DGKA: variants seen among roughly 807,000 people sequenced by gnomAD.
DGKA encodes diacylglycerol kinase alpha.
Under a neutral mutation model 105.0 loss-of-function variants are expected in DGKA, and 35 were observed. The ratio of observed to expected loss-of-function variants is 0.33; its 90% CI spans 0.25 to 0.44. DGKA has a LOEUF of 0.44. Ranked by LOEUF, DGKA falls within the 20% of genes least tolerant of loss-of-function variation. The pLI is 1.00. For missense variants in DGKA, 665 were observed against 915.0 expected, an observed-to-expected ratio of 0.73 and a Z score of 3.53; for synonymous variants, 296 against 332.0, an observed-to-expected ratio of 0.89 and a Z score of 1.18.
intron 7 of DGKA, 25 bp from the exon 8 acceptor site, chr12:55,939,161 A>C: frequency 6.2e-7 from 1 of 1,612,182 alleles, no homozygotes; most frequent in Non-Finnish European, 8.5e-7. Context: ...CTCATACTGA[A>C]AGTCCCTTTC....
intron 1 of DGKA, chr12:55,931,781 G>T (rs1883643983): frequency 6.6e-6 from 1 of 152,448 alleles, no homozygotes; most frequent in South Asian, 2.1e-4. Flanking sequence ...TTAGAAAGAA[G>T]GGAAAATAGA....
rs766023649 is a variant in DGKA, at chr12:55,940,904, G to A, written c.1025G>A (p.Gly342Glu). The A allele has an allele frequency of 8.1e-6, 13 of 1,614,078 alleles. No homozygotes were observed. The highest frequency in any genetic ancestry group is 1.1e-5 in the Non-Finnish European group (13 of 1,180,020). Residue 342 changes from glycine (G) to glutamate (E), a missense_variant, in exon 13 of 24, where the codon GGA becomes GAA. By Grantham distance (98) the Gly-to-Glu change is moderately conservative. This residue lies in a region of DGKA where 504 missense variants were observed against 681.2 expected (regional missense o/e 0.74). Transcript: ENST00000331886. This position sits in a 1 kb window ranked among gnomAD's most constrained non-coding sequence, Gnocchi z 4.3. ...SSIYPSVLAS[G>E]PDRKNSKTSQ... ...ACTTTCTTCCCCTCCCAGGCCTCTG[G>A]ACCGGATCGTAAAAATAGCAAAACA...
chr12:55,937,332 T>G (rs925461398), intron 3 of DGKA, 76 bp from the exon 4 acceptor site: 219 of 1,529,340 alleles, frequency 1.4e-4, no homozygotes, highest in Non-Finnish European at 1.9e-4. Context: ...ATTATCCCTG[T>G]CCCCGCTACT....
chr12:55,933,684 CCAGAGG>C (rs1884095098), intron 1 of DGKA: 1 of 152,146 alleles, frequency 6.6e-6, no homozygotes, highest in Admixed American at 6.5e-5. Context: ...CGTCATCCTC[CCAGAGG>C]CAAAGTTCAG....
rs1888469169 is a variant in DGKA at position 55,953,050 on chromosome 12, C to T, written c.1953C>T (p.Asp651=). The T allele has an allele frequency of 1.9e-6, 3 of 1,614,034 alleles. No homozygotes were observed. The highest frequency in any genetic ancestry group is 2.5e-6 in the Non-Finnish European group (3 of 1,180,032). The change falls in exon 22 of 24, where the codon GAC becomes GAT. Residue 651 remains aspartate (D), a synonymous_variant. Transcript: ENST00000331886. The part of the protein sequence containing the change: ...ILKTCVPDLS[D]KRLEVVGLEG... Reference sequence around the variant, plus strand: ...CTACTTCGTCCCCAGACCTAAGTGACAAGAGACTGGAAGTGGTTGGGCTGG... The same window carrying T: ...CTACTTCGTCCCCAGACCTAAGTGATAAGAGACTGGAAGTGGTTGGGCTGG...
rs112192346 is a variant in DGKA at position 55,951,962 on chromosome 12, G to T, written c.1588-73G>T. ...GACATGCTGTGGGGAGCAGCATGGG[G>T]ACTTGGGAAAGAGGGGAGACCGGGA... On this transcript the variant is annotated intron_variant, in intron 18 of 23. Transcript: ENST00000331886. 2.7e-3 allele frequency: 4,306 copies of T among 1,576,992 alleles called. 102 individuals are homozygous for T. In the African/African-American group the frequency reaches 0.052, roughly 19 times the overall value.
Position 55,932,760 on chromosome 12 carries a change from A to T in DGKA, c.-82+1416A>T. 2 of 594,572 alleles carry T rather than the reference A, an allele frequency of 3.4e-6. No individual in the cohort carries two copies. Among genetic ancestry groups the T allele is most frequent in the Admixed American group, 2.7e-5 (1 of 36,932 alleles). 36.8% of individuals were successfully genotyped at this position (594,572 alleles called of 1,614,324 possible). A position where few individuals can be genotyped will look rare whatever the true frequency, so the allele number is the denominator to read the frequency against. ...ACACACAACCCCCTCAGCCAGGTGTAGCACTGCAGTCTTCAGTGTTTGTGG... is the reference window on the plus strand; with the variant it reads ...ACACACAACCCCCTCAGCCAGGTGTTGCACTGCAGTCTTCAGTGTTTGTGG... On this transcript the variant is annotated intron_variant, in intron 1 of 23. Coordinates refer to ENST00000331886, the MANE Select transcript of DGKA (RefSeq NM_001345.5). The surrounding 1 kb of genome is among the most constrained non-coding windows in gnomAD (Gnocchi z 4.3).
rs1883709707 is a variant in DGKA at position 55,932,174 on chromosome 12, G to A, written c.-82+830G>A. On this transcript the variant is annotated intron_variant, in intron 1 of 23. Coordinates refer to ENST00000331886, the MANE Select transcript of DGKA (RefSeq NM_001345.5). The surrounding 1 kb of genome is among the most constrained non-coding windows in gnomAD (Gnocchi z 4.3). ...GCCCCACCCTCCCCCATCGGAAAAG[G>A]ACAGGGGTAGGGAAGCCGAGGACCC... 1 of 256,108 alleles carries A rather than the reference G, an allele frequency of 3.9e-6. No individual in the cohort carries two copies. Among genetic ancestry groups the A allele is most frequent in the African/African-American group, 2.2e-5 (1 of 45,106 alleles). The allele number at this position is 256,108 out of a possible 1,614,324, so 15.9% of individuals were successfully genotyped here.
chr12:55,941,963 A>T, intron 15 of DGKA, 35 bp from the exon 16 acceptor site: 4 of 1,610,444 alleles, frequency 2.5e-6, no homozygotes, highest in Non-Finnish European at 2.5e-6. Flanking sequence ...CAGTCCTGTT[A>T]TCCTTCTTCA....
In DGKA at chr12:55,952,407, G is replaced by A; in HGVS notation, c.1719G>A (p.Lys573=). The A allele has an allele frequency of 1.2e-6, 2 of 1,614,150 alleles. No homozygotes were observed. The highest frequency in any genetic ancestry group is 2.2e-5 in the South Asian group (2 of 91,086). ...AATCCATCTTCTCAACATGCAAAAA[G>A]CTGGAGGAGTCTTTGACAGTTGAGG... is the stretch of plus-strand genomic sequence containing the variant. ...TSESIFSTCK[K]LEESLTVEIC... Residue 573 remains lysine, a synonymous_variant, in exon 20 of 24, where the codon AAG becomes AAA. Transcript: ENST00000331886. This position sits in a 1 kb window ranked among gnomAD's most constrained non-coding sequence, Gnocchi z 5.1.
chr12:55,937,660 G>A, intron 4 of DGKA, 117 bp downstream of exon 4: 3 of 1,375,562 alleles, frequency 2.2e-6, no homozygotes, highest in Non-Finnish European at 3.0e-6. Flanking sequence ...GAAATTGGTG[G>A]AGAATAGTCA....
At chr12:55,930,357 G>GTTTTTTTTTTT (rs1156510868), upstream of DGKA, 1 of 71,790 alleles carries the variant, frequency 1.4e-5, no homozygotes. Context: ...CAAGGGCCTT[G>GTTTTTTTTTTT]TTTTTTTTTT....
At chr12:55,938,092 G>C (rs1885132622) in intron 5 of DGKA, 40 bp downstream of exon 5, 2 of 1,546,990 alleles carry the variant, frequency 1.3e-6, no homozygotes, top group African/African-American at 2.7e-5. Flanking sequence ...GGGCAGTGAA[G>C]GGAGAGAGAG....
chr12:55,948,531 C>G (rs1887504746), intron 17 of DGKA, among the ~76,000 whole-genome samples: 1 of 149,404 alleles, frequency 6.7e-6, no homozygotes, highest in African/African-American at 2.5e-5. Flanking sequence ...AGATTGAGAC[C>G]ATCCTGGGCT....
rs371530677 is a variant in DGKA, at chr12:55,953,031, C to T, written c.1943-9C>T. The stretch of plus-strand genomic sequence containing the variant: ...TTATGTAAAACTTTACTCCCTACTT[C>T]GTCCCCAGACCTAAGTGACAAGAGA... On this transcript the variant is annotated splice_polypyrimidine_tract_variant and intron_variant, in intron 21 of 23. Transcript: ENST00000331886. The T allele has an allele frequency of 1.3e-5, 21 of 1,614,064 alleles. No individual in the cohort carries two copies. Among genetic ancestry groups the T allele is most frequent in the South Asian group, 3.3e-5 (3 of 91,092 alleles).
chr12:55,935,977 G>T (rs1565731904), intron 1 of DGKA: 1 of 989,208 alleles, frequency 1.0e-6, no homozygotes, highest in African/African-American at 1.7e-5. Flanking sequence ...CACTCAGAGG[G>T]CCGGAACTGC....
chr12:55,928,253 C>T (rs528662658), upstream of DGKA: 1 of 156,672 alleles, frequency 6.4e-6, no homozygotes, highest in African/African-American at 2.4e-5. Flanking sequence ...CCTTATCAAC[C>T]CTTTTACCTT....
chr12:55,948,700 G>C (rs981697513), intron 17 of DGKA, among the ~76,000 whole-genome samples: 3 of 146,540 alleles, frequency 2.0e-5, no homozygotes, highest in Non-Finnish European at 4.5e-5. Context: ...TTGGGCAAGA[G>C]AGCAAGATCC....
At position 55,936,581 on chromosome 12, in the gene DGKA, T is replaced by C; in HGVS notation, c.64+14T>C. 6.2e-7 allele frequency: 1 copy of C among 1,614,146 alleles called. No individual in the cohort carries two copies. The highest frequency in any genetic ancestry group is 8.5e-7 in the Non-Finnish European group (1 of 1,180,024). On this transcript the variant is annotated intron_variant, in intron 2 of 23. Transcript: ENST00000331886. ...AATACATGGAATGTGAGTCTTCCTG[T>C]CAGGCCTTCAGTTCTGGAGACCCTG... is the stretch of plus-strand genomic sequence containing the variant.
Sources: allele counts gnomAD v4.1 joint callset (sites outside exome capture counted in the v4.1 genomes callset), GRCh38; gene constraint gnomAD v4.1.1; regional missense constraint gnomAD v4.1.1; non-coding constraint Gnocchi (gnomAD v3.1); transcripts MANE v1.5; gene names NCBI Gene and HGNC (gene_info 2026-07-23, HGNC 2026-07-21).